Variants in RILPL1 observed in about 807,000 individuals in gnomAD.
RILPL1 encodes Rab interacting lysosomal protein like 1.
A neutral mutation model predicts 50.3 loss-of-function variants in RILPL1; 33 were observed. The ratio of observed to expected loss-of-function variants is 0.66; its 90% CI spans 0.50 to 0.88. RILPL1 has a LOEUF of 0.88. RILPL1 is among the 40% of genes least tolerant of loss of function. The pLI is 0.00. For missense variants in RILPL1, 418 were observed against 542.5 expected, an observed-to-expected ratio of 0.77 and a Z score of 2.28; for synonymous variants, 205 against 228.6, an observed-to-expected ratio of 0.90 and a Z score of 0.93.
intron 4 of RILPL1, among the ~76,000 whole-genome samples, chr12:123,495,402 T>C (rs1882960607): frequency 6.7e-6 from 1 of 148,214 alleles, no homozygotes. Context: ...TGAGACAGAG[T>C]CTCACTCTGT....
intron 6 of RILPL1, chr12:123,475,528 A>T (rs975717859): frequency 2.9e-5 from 19 of 660,016 alleles, no homozygotes; most frequent in African/African-American, 7.1e-5. Context: ...CTCAACATCC[A>T]CGTCAAATGG....
intron 6 of RILPL1, chr12:123,473,060 C>T (rs1335509129): frequency 1.9e-5 from 4 of 208,480 alleles, no homozygotes; most frequent in Admixed American, 5.2e-5. Context: ...ACTTGAAAAC[C>T]GTGTGGAATA....
At chr12:123,517,142 G>A (rs908732411) in intron 2 of RILPL1, among the ~76,000 whole-genome samples, 2 of 144,246 alleles carry the variant, frequency 1.4e-5, no homozygotes, top group South Asian at 2.1e-4. Flanking sequence ...ACACAGACAC[G>A]GAGGAGAACG....
chr12:123,522,145 C>T lies in RILPL1; in HGVS notation c.460+1350G>A, dbSNP rs957779975. Among the ~76,000 whole-genome samples the T allele has an allele frequency of 2.0e-5, 3 of 152,126 alleles. No individual in the cohort carries two copies. Among genetic ancestry groups the T allele is most frequent in the African/African-American group, 4.8e-5 (2 of 41,432 alleles). ...TGGGCACCCACCCCAGGTCCGTCCC[C>T]GTTCCATCAAACATGAGGAAGAGGC... On this transcript the variant is annotated intron_variant, in intron 2 of 6. Transcript: ENST00000376874. The surrounding 1 kb of genome is among the most constrained non-coding windows in gnomAD (Gnocchi z 4.0).
chr12:123,498,961 T>C lies in RILPL1; in HGVS notation c.580-196A>G, dbSNP rs575576568. 6.6e-6 allele frequency among the ~76,000 whole-genome samples: 1 copy of C among 152,344 alleles called. No individual in the cohort carries two copies. Among genetic ancestry groups the C allele is most frequent in the African/African-American group, 2.4e-5 (1 of 41,584 alleles). On this transcript the variant is annotated intron_variant, in intron 3 of 6. Coordinates refer to ENST00000376874, the MANE Select transcript of RILPL1 (RefSeq NM_178314.5). This position sits in a 1 kb window ranked among gnomAD's most constrained non-coding sequence, Gnocchi z 4.3. ...TTTTCTATGATAATTTTATGGCAGA[T>C]GGAAGGGTGTCTTGCTAGAATTAAT...
chr12:123,519,010 T>C (rs1446523574), intron 2 of RILPL1, among the ~76,000 whole-genome samples: 2 of 135,050 alleles, frequency 1.5e-5, no homozygotes, highest in African/African-American at 2.8e-5. Flanking sequence ...TGAGCCGAGA[T>C]TGCCCCACTG....
At chr12:123,518,500 CAAAAAA>C in intron 2 of RILPL1, 2 of 77,620 alleles carry the variant, frequency 2.6e-5, no homozygotes, top group South Asian at 2.3e-4. Context: ...GAGACCTGTC[CAAAAAA>C]AAAAAAAAAG....
At position 123,485,643 on chromosome 12, in the gene RILPL1, A is replaced by G; in HGVS notation, c.964T>C (p.Tyr322His). 1 of 1,613,590 alleles carries G rather than the reference A, an allele frequency of 6.2e-7. No individual in the cohort carries two copies. Among genetic ancestry groups the G allele is most frequent in the Non-Finnish European group, 8.5e-7 (1 of 1,179,704 alleles). The change falls in exon 5 of 7, where the codon TAC becomes CAC. Residue 322 changes from tyrosine (Y) to histidine (H), a missense_variant. Physicochemically the swap from Tyr to His is moderately conservative, Grantham distance 83. Coordinates refer to ENST00000376874, the MANE Select transcript of RILPL1 (RefSeq NM_178314.5). The surrounding 1 kb of genome is among the most constrained non-coding windows in gnomAD (Gnocchi z 4.0). ...CCCAGGGACACTTGCCTCTTATAGT[A>G]AGCCAGCTCCTCCTGCAGCAAGAAC... is the stretch of plus-strand genomic sequence containing the variant. ...KVFLLQEELA[Y>H]YKSEEMEEEN... is the part of the protein sequence containing the mutation.
At chr12:123,477,010 C>G (rs78867569) in intron 6 of RILPL1, among the ~76,000 whole-genome samples, 1 of 152,114 alleles carries the variant, frequency 6.6e-6, no homozygotes, top group Non-Finnish European at 1.5e-5. Context: ...AAGCGCCAGG[C>G]GAGAACCAGG....
chr12:123,533,538 C>A lies in RILPL1; in HGVS notation c.-56G>T. On this transcript the variant is annotated 5_prime_UTR_variant, in exon 1 of 7. Transcript: ENST00000376874. The surrounding 1 kb of genome is among the most constrained non-coding windows in gnomAD (Gnocchi z 6.2). ...CAAACTCGTGCAACTCCCAAACTTG[C>A]CGCTGTCGAGGGCCGGGCCGGCCGG... 1 of 1,401,962 alleles carries A rather than the reference C, an allele frequency of 7.1e-7. No homozygotes were observed. The highest frequency in any genetic ancestry group is 9.4e-7 in the Non-Finnish European group (1 of 1,066,984). 86.8% of individuals were successfully genotyped at this position (1,401,962 alleles called of 1,614,324 possible). A position where few individuals can be genotyped will look rare whatever the true frequency, so the allele number is the denominator to read the frequency against.
intron 5 of RILPL1, chr12:123,484,857 A>T: frequency 4.0e-6 from 1 of 250,530 alleles, no homozygotes. Flanking sequence ...TGGGGGTCCC[A>T]CTATGTTGCC....
At chr12:123,526,095 C>T (rs192759951) in intron 1 of RILPL1, among the ~76,000 whole-genome samples, 158 of 152,256 alleles carry the variant, frequency 1.0e-3, no homozygotes, top group African/African-American at 3.5e-3. Flanking sequence ...CACTTGAGGT[C>T]AGGAGTTTGA....
intron 2 of RILPL1, chr12:123,519,318 T>A (rs1349026121): frequency 1.3e-5 from 2 of 152,122 alleles, no homozygotes; most frequent in African/African-American, 4.8e-5. Flanking sequence ...ATACCTGTCA[T>A]TCATTTCTGC....
chr12:123,511,638 CTGTG>C (rs535715523), intron 2 of RILPL1, among the ~76,000 whole-genome samples: 264 of 91,144 alleles, frequency 2.9e-3, no homozygotes, highest in African/African-American at 0.011. Flanking sequence ...TGTGTGAGGT[CTGTG>C]TGTGTGAGAT....
At chr12:123,512,739 A>T (rs1228031252) in intron 2 of RILPL1, among the ~76,000 whole-genome samples, 12 of 58,024 alleles carry the variant, frequency 2.1e-4, no homozygotes, top group African/African-American at 2.7e-4. Context: ...GTGGTGTGTG[A>T]AGTTTGTGTG....
intron 2 of RILPL1, among the ~76,000 whole-genome samples, chr12:123,500,755 G>A (rs1416820333): frequency 6.6e-6 from 1 of 152,098 alleles, no homozygotes; most frequent in East Asian, 1.9e-4. Context: ...AACTCATAGG[G>A]CTGTTGTGAG....
chr12:123,511,981 C>CTG (rs1459868009), intron 2 of RILPL1, among the ~76,000 whole-genome samples: 1 of 69,466 alleles, frequency 1.4e-5, no homozygotes, highest in African/African-American at 5.7e-5. Context: ...TGTGTGAGGT[C>CTG]TGTGTGTGGT....
intron 2 of RILPL1, among the ~76,000 whole-genome samples, chr12:123,518,059 CA>C (rs1884807617): frequency 2.0e-5 from 3 of 152,098 alleles, no homozygotes; most frequent in Admixed American, 6.6e-5. Flanking sequence ...TGGTGGGTGC[CA>C]GGGGCCAATG....
intron 2 of RILPL1, among the ~76,000 whole-genome samples, chr12:123,507,720 T>A (rs1883838301): frequency 6.6e-6 from 1 of 151,740 alleles, no homozygotes; most frequent in Non-Finnish European, 1.5e-5. Context: ...GGTGGGTGGA[T>A]CACCTGATGT....
Sources: gnomAD v4.1 joint callset for allele counts (sites outside exome capture counted in the v4.1 genomes callset) on GRCh38, gnomAD v4.1.1 for gene constraint, Gnocchi (gnomAD v3.1) non-coding constraint, MANE v1.5 for transcripts, NCBI Gene and HGNC (gene_info 2026-07-23, HGNC 2026-07-21) for gene names.